Variants in RNF103 observed in about 807,000 individuals in gnomAD.
The protein encoded by RNF103 is E3 ubiquitin-protein ligase RNF103.
RNF103 carries 23 observed loss-of-function variants against 66.2 expected under a neutral mutation model. That is an observed-to-expected ratio of 0.35 (90% CI 0.25 to 0.49). RNF103 has a LOEUF of 0.49. Ranked by LOEUF, RNF103 falls within the 20% of genes least tolerant of loss-of-function variation. The pLI is 0.98. For synonymous variants in RNF103, 297 were observed against 289.9 expected, an observed-to-expected ratio of 1.02 and a Z score of -0.25; for missense variants, 730 against 814.7, an observed-to-expected ratio of 0.90 and a Z score of 1.27.
Position 86,605,146 on chromosome 2 carries a change from G to A in RNF103, c.755C>T (p.Ala252Val). 1.2e-6 allele frequency: 2 copies of A among 1,613,730 alleles called. No individual in the cohort carries two copies. The highest frequency in any genetic ancestry group is 1.7e-6 in the Non-Finnish European group (2 of 1,180,004). ...NLDQPPAFFS[A>V]LSIKFTGRVE... The stretch of plus-strand genomic sequence containing the variant: ...TCTTCCAGTAAACTTTATACTTAGT[G>A]CAGAGAAGAAAGCTGGGGGCTGGTC... The change falls in exon 4 of 4, where the codon GCA (alanine) becomes GTA (valine). Residue 252 changes from alanine to valine, a missense_variant. Physicochemically the swap from Ala to Val is moderately conservative, Grantham distance 64. Coordinates refer to ENST00000237455, the MANE Select transcript of RNF103 (RefSeq NM_005667.4).
intron 3 of RNF103, among the ~76,000 whole-genome samples, chr2:86,610,976 C>T (rs1678766443): frequency 6.6e-6 from 1 of 150,426 alleles, no homozygotes; most frequent in Admixed American, 6.7e-5. Flanking sequence ...TCTGTGGTTA[C>T]CAGCCTGGGC....
intron 2 of RNF103, 93 bp from the exon 3 acceptor site, chr2:86,612,367 A>G (rs1678833311): frequency 2.9e-6 from 2 of 701,466 alleles, no homozygotes; most frequent in Non-Finnish European, 4.9e-6. Context: ...ACTTAAAAAA[A>G]AAGATATTCT....
Position 86,603,548 on chromosome 2 carries a change from C to A in RNF103, c.*295G>T, listed in dbSNP as rs967385282. ...CGGCTCAATTCCATTAGAATTTGAT[C>A]CTATCTTGTAAAGTCTTGCTAGGAT... On this transcript the variant is annotated 3_prime_UTR_variant, in exon 4 of 4. Transcript: ENST00000237455. The A allele has an allele frequency of 3.2e-5, 11 of 338,512 alleles. No homozygotes were observed. The highest frequency in any genetic ancestry group is 5.3e-5 in the Non-Finnish European group (10 of 187,522). 21.0% of individuals were successfully genotyped at this position (338,512 alleles called of 1,614,324 possible). A position where few individuals can be genotyped will look rare whatever the true frequency, so the allele number is the denominator to read the frequency against.
At chr2:86,615,790 A>G (rs1030319226) in intron 2 of RNF103, among the ~76,000 whole-genome samples, 12 of 152,128 alleles carry the variant, frequency 7.9e-5, no homozygotes, top group African/African-American at 2.9e-4. Context: ...GCTAGAAGTG[A>G]AGCAATCTTT....
rs4019180 is a variant in RNF103, at chr2:86,615,520, T to TTATATATA, written c.367-3254_367-3247dup. The stretch of plus-strand genomic sequence containing the variant: ...CCTAATATATATATATACATATGCC[T>TTATATATA]TATATATATATATATATAATATATA... On this transcript the variant is annotated intron_variant, in intron 2 of 3. Coordinates refer to ENST00000237455, the MANE Select transcript of RNF103 (RefSeq NM_005667.4). Among the ~76,000 whole-genome samples the TTATATATA allele has an allele frequency of 2.7e-3, 381 of 142,308 alleles. 2 individuals are homozygous for TTATATATA. The highest frequency in any genetic ancestry group is 7.7e-3 in the African/African-American group (301 of 39,266). The allele number at this position is 142,308 out of a possible 152,430, so 93.4% of individuals were successfully genotyped here. A position where few individuals can be genotyped will look rare whatever the true frequency, so the allele number is the denominator to read the frequency against.
intron 2 of RNF103, chr2:86,615,051 G>A (rs4832045): frequency 0.48 from 475,735 of 984,828 alleles, 118,448 homozygotes; most frequent in East Asian, 0.75. Context: ...TGTGATAAGA[G>A]CTCCAATGTT....
chr2:86,616,390 A>G (rs1573366143), intron 2 of RNF103: 3 of 730,076 alleles, frequency 4.1e-6, no homozygotes, highest in Non-Finnish European at 3.3e-6. Context: ...CAAACTATAT[A>G]AAACCATTAA....
chr2:86,616,388 A>G (rs1679020633), intron 2 of RNF103: 2 of 719,490 alleles, frequency 2.8e-6, no homozygotes, highest in Non-Finnish European at 3.4e-6. Flanking sequence ...TGCAAACTAT[A>G]TAAAACCATT....
rs1679314970 is a variant in RNF103 at position 86,623,409 on chromosome 2, C to A, written c.-523G>T. ...CTCCCGCGGCCGCGGGTCAGGAGGG[C>A]GCGGCGCTCGGCCGGGCCAGGCCCG... On this transcript the variant is annotated 5_prime_UTR_variant, in exon 1 of 4. Transcript: ENST00000237455. The A allele has an allele frequency of 3.1e-6, 3 of 980,706 alleles. No homozygotes were observed. The highest frequency in any genetic ancestry group is 9.4e-5 in the South Asian group (2 of 21,238). The allele number at this position is 980,706 out of a possible 1,614,324, so 60.8% of individuals were successfully genotyped here. A position where few individuals can be genotyped will look rare whatever the true frequency, so the allele number is the denominator to read the frequency against.
chr2:86,608,402 G>T (rs1276332511), intron 3 of RNF103, among the ~76,000 whole-genome samples: 1 of 147,218 alleles, frequency 6.8e-6, no homozygotes, highest in Non-Finnish European at 1.5e-5. Flanking sequence ...CACAAGAATC[G>T]CCTGAACCCA....
At chr2:86,610,474 C>T (rs866242382) in intron 3 of RNF103, among the ~76,000 whole-genome samples, 2 of 152,216 alleles carry the variant, frequency 1.3e-5, no homozygotes, top group Middle Eastern at 3.4e-3. Flanking sequence ...GGTTTGTCTG[C>T]CCCCACCAAA....
Position 86,605,252 on chromosome 2 carries a change from T to C in RNF103, c.649A>G (p.Ile217Val). 6.2e-7 allele frequency: 1 copy of C among 1,614,166 alleles called. No individual in the cohort carries two copies. The highest frequency in any genetic ancestry group is 8.5e-7 in the Non-Finnish European group (1 of 1,180,028). The change falls in exon 4 of 4, where the codon ATT becomes GTT. Residue 217 changes from isoleucine to valine, a missense_variant. Coordinates refer to ENST00000237455, the MANE Select transcript of RNF103 (RefSeq NM_005667.4). ...TAHAASRIKT[I>V]YNAEHLKEEW... ...TCTTTCAAGTGTTCAGCATTATAAA[T>C]GGTTTTGATCCGAGAAGCTGCATGA... is the stretch of plus-strand genomic sequence containing the variant.
chr2:86,611,906 G>C (rs2104229182), intron 3 of RNF103, among the ~76,000 whole-genome samples: 1 of 152,220 alleles, frequency 6.6e-6, no homozygotes, highest in African/African-American at 2.4e-5. Flanking sequence ...ATCTTCAATA[G>C]AAAAAACACA....
chr2:86,603,536 T>C lies in RNF103; in HGVS notation c.*307A>G, dbSNP rs1678424266. The C allele has an allele frequency of 3.2e-6, 1 of 309,064 alleles. No homozygotes were observed. Among genetic ancestry groups the C allele is most frequent in the Non-Finnish European group, 5.9e-6 (1 of 168,790 alleles). The allele number at this position is 309,064 out of a possible 1,614,324, so 19.1% of individuals were successfully genotyped here. A position where few individuals can be genotyped will look rare whatever the true frequency, so the allele number is the denominator to read the frequency against. Reference sequence around the variant, plus strand: ...AGGATAAGAAACCGGCTCAATTCCATTAGAATTTGATCCTATCTTGTAAAG... The same window carrying C: ...AGGATAAGAAACCGGCTCAATTCCACTAGAATTTGATCCTATCTTGTAAAG... On this transcript the variant is annotated 3_prime_UTR_variant, in exon 4 of 4. Transcript: ENST00000237455.
intron 1 of RNF103, 64 bp downstream of exon 1, chr2:86,622,597 C>T (rs1679272484): frequency 2.0e-6 from 3 of 1,519,158 alleles, no homozygotes. Flanking sequence ...CAGCCAGGTA[C>T]CAGGAGGTAC....
rs1014315340 is a variant in RNF103, at chr2:86,603,524, G to A, written c.*319C>T. On this transcript the variant is annotated 3_prime_UTR_variant, in exon 4 of 4. Transcript: ENST00000237455. ...GAGGAAACATTTAGGATAAGAAACCGGCTCAATTCCATTAGAATTTGATCC... is the reference window on the plus strand; with the variant it reads ...GAGGAAACATTTAGGATAAGAAACCAGCTCAATTCCATTAGAATTTGATCC... 7 of 271,020 alleles carry A rather than the reference G, an allele frequency of 2.6e-5. No homozygotes were observed. The South Asian group carries it at 3.9e-4, about 15-fold the overall frequency. 16.8% of individuals were successfully genotyped at this position (271,020 alleles called of 1,614,324 possible). A position where few individuals can be genotyped will look rare whatever the true frequency, so the allele number is the denominator to read the frequency against.
chr2:86,622,281 T>C (rs1679255792), intron 1 of RNF103, among the ~76,000 whole-genome samples: 1 of 152,232 alleles, frequency 6.6e-6, no homozygotes, highest in African/African-American at 2.4e-5. Flanking sequence ...ATATTGCTAT[T>C]GACAGACAAC....
chr2:86,613,911 C>T (rs1048509506), intron 2 of RNF103: 1 of 152,060 alleles, frequency 6.6e-6, no homozygotes. Context: ...CAATTTAGGG[C>T]ATTAAGCAAA....
intron 3 of RNF103, among the ~76,000 whole-genome samples, chr2:86,611,808 A>G (rs1678805970): frequency 6.6e-6 from 1 of 152,224 alleles, no homozygotes; most frequent in Admixed American, 6.5e-5. Flanking sequence ...ATCAGCACAG[A>G]GGTGTCACCT....
Sources: gnomAD v4.1 joint callset for allele counts (sites outside exome capture counted in the v4.1 genomes callset) on GRCh38, gnomAD v4.1.1 for gene constraint, MANE v1.5 for transcripts, NCBI Gene and HGNC (gene_info 2026-07-23, HGNC 2026-07-21) for gene names.